DST: variants seen among roughly 807,000 people sequenced by gnomAD.
DST encodes the protein bullous pemphigoid antigen.
DST carries 253 observed loss-of-function variants against 875.2 expected under a neutral mutation model. The observed-to-expected ratio is 0.29, with a 90% confidence interval of 0.26 to 0.32. The LOEUF is 0.32. Ranked by LOEUF, DST falls within the 10% of genes least tolerant of loss-of-function variation. The pLI, the probability that DST is intolerant of heterozygous loss-of-function variation, is 1.00. For synonymous variants in DST, 3,124 were observed against 3,197.1 expected, an observed-to-expected ratio of 0.98 and a Z score of 0.77; for missense variants, 8,287 against 9,111.6, an observed-to-expected ratio of 0.91 and a Z score of 3.68.
intron 47 of DST, among the ~76,000 whole-genome samples, chr6:56,595,887 T>A (rs1451252856): frequency 6.6e-6 from 1 of 151,698 alleles, no homozygotes; most frequent in Non-Finnish European, 1.5e-5. Flanking sequence ...ATGAGGACTC[T>A]TAGGCTGAAG....
At chr6:56,838,542 AAAAC>A (rs1366597813) in intron 4 of DST, among the ~76,000 whole-genome samples, 7 of 152,224 alleles carry the variant, frequency 4.6e-5, no homozygotes, top group Non-Finnish European at 2.9e-5. Flanking sequence ...GTTCAAATAC[AAAAC>A]AAACAAACAA....
At position 56,535,299 on chromosome 6, in the gene DST, A is replaced by C. The variant is rs1399928980; in HGVS notation, c.16771-7T>G. 6.4e-7 allele frequency: 1 copy of C among 1,566,284 alleles called. No individual in the cohort carries two copies. Among genetic ancestry groups the C allele is most frequent in the East Asian group, 2.3e-5 (1 of 42,846 alleles). On this transcript the variant is annotated splice_polypyrimidine_tract_variant and splice_region_variant and intron_variant, in intron 62 of 103. Transcript: ENST00000680361. ...GGGCTGCTCGCTGAGCCACCTGCAA[A>C]GTGCCAATTGTTTCCACTTATTTAT...
At chr6:56,504,208 T>C in intron 77 of DST, 110 bp from the exon 78 acceptor site, 1 of 695,970 alleles carries the variant, frequency 1.4e-6, no homozygotes, top group Non-Finnish European at 2.3e-6. Flanking sequence ...TATTATAGAA[T>C]TAGACTATTT....
chr6:56,936,418 C>T (rs62411427), intron 2 of DST, among the ~76,000 whole-genome samples: 31,451 of 151,988 alleles, frequency 0.21, 3,612 homozygotes, highest in Middle Eastern at 0.26. Context: ...TTCTCCAGAC[C>T]GAATGCAATG....
In DST at chr6:56,494,118, C is replaced by A. The variant is rs1276123924; in HGVS notation, c.20286G>T (p.Gln6762His). ...ATTTTGGGCATCTTGCAAGCATCTG[C>A]TGGCCTTTCTGCATCAGACTCTTAT... Reference protein sequence around the residue: ...ETYKSLMQKGQQMLARCPKSA... With the variant: ...ETYKSLMQKGHQMLARCPKSA... The change falls in exon 83 of 104, where the codon CAG becomes CAT. Residue 6762 changes from glutamine to histidine, a missense_variant. Physicochemically the swap from Gln to His is conservative, Grantham distance 24. This residue lies in a region of DST where 1,292 missense variants were observed against 1,552.7 expected (regional missense o/e 0.83). Transcript: ENST00000680361. 6.2e-7 allele frequency: 1 copy of A among 1,612,068 alleles called. No individual in the cohort carries two copies. The highest frequency in any genetic ancestry group is 1.7e-5 in the Admixed American group (1 of 59,970).
At chr6:56,735,152 G>T in intron 5 of DST, 76 bp downstream of exon 5, 3 of 954,678 alleles carry the variant, frequency 3.1e-6, no homozygotes, top group Non-Finnish European at 3.3e-6. Context: ...GTGCTTCAGA[G>T]CTATATAATC....
At chr6:56,856,432 T>C (rs940653130) in intron 3 of DST, among the ~76,000 whole-genome samples, 1 of 152,160 alleles carries the variant, frequency 6.6e-6, no homozygotes, top group African/African-American at 2.4e-5. Context: ...CATACCCACA[T>C]ATTTATAACT....
At position 56,529,729 on chromosome 6, in the gene DST, C is replaced by G; in HGVS notation, c.17314G>C (p.Ala5772Pro). ...TTTAAGGACTGGCCAATGCTAACAG[C>G]CTGGTGTAAATGTTTATTGTGATTG... ...IINHNKHLHQAVSIGQSLKVL... is the reference protein window; with the variant it reads ...IINHNKHLHQPVSIGQSLKVL... The change falls in exon 66 of 104, where the codon GCT (alanine) becomes CCT (proline). Residue 5772 changes from alanine (A) to proline (P), a missense_variant. Physicochemically the swap from Ala to Pro is conservative, Grantham distance 27 (BLOSUM62 -1). Around this residue, in one of 10 missense-constraint regions of DST, gnomAD observed 777 missense variants for 764.8 expected, o/e 1.02. Coordinates refer to ENST00000680361, the MANE Select transcript of DST (RefSeq NM_001374736.1). 1.2e-6 allele frequency: 2 copies of G among 1,610,130 alleles called. No homozygotes were observed. The highest frequency in any genetic ancestry group is 1.7e-6 in the Non-Finnish European group (2 of 1,178,316).
At chr6:56,839,544 GT>G (rs1273009743) in intron 4 of DST, among the ~76,000 whole-genome samples, 23 of 152,114 alleles carry the variant, frequency 1.5e-4, no homozygotes, top group Non-Finnish European at 2.9e-4. Context: ...TTGAAATCAA[GT>G]TTTTTCAGAA....
At chr6:56,894,616 C>T (rs1387689887) in intron 3 of DST, among the ~76,000 whole-genome samples, 2 of 38,270 alleles carry the variant, frequency 5.2e-5, no homozygotes, top group Non-Finnish European at 9.2e-5. Flanking sequence ...CGGGCAGAGG[C>T]GCCCCTCACC....
Position 56,459,196 on chromosome 6 carries a change from G to T in DST, c.23266C>A (p.Arg7756=). 1 of 1,613,666 alleles carries T rather than the reference G, an allele frequency of 6.2e-7. No individual in the cohort carries two copies. The highest frequency in any genetic ancestry group is 8.5e-7 in the Non-Finnish European group (1 of 1,179,776). The stretch of plus-strand genomic sequence containing the variant: ...TCAAAGTCTGATGCATCACTGCCTC[G>T]GCGGCTGCTGGCCCTGCTGCCAGCT... ...SKAGSRASSR[R]GSDASDFDIS... The change falls in exon 104 of 104, where the codon CGA becomes AGA. Residue 7756 remains arginine (R), a synonymous_variant. Coordinates refer to ENST00000680361, the MANE Select transcript of DST (RefSeq NM_001374736.1).
chr6:56,901,786 C>T lies in DST; in HGVS notation c.217-1165G>A, dbSNP rs6938730. Among the ~76,000 whole-genome samples the T allele has an allele frequency of 4.3e-3, 653 of 152,118 alleles. 7 individuals carry two copies. Among genetic ancestry groups the T allele is most frequent in the African/African-American group, 0.015 (629 of 41,476 alleles). ...ATGAGTATAAGGACAACTCAGACAA[C>T]GGAAACATGTCAGCTAAGTCATATT... is the stretch of plus-strand genomic sequence containing the variant. On this transcript the variant is annotated intron_variant, in intron 2 of 103. Coordinates refer to ENST00000680361, the MANE Select transcript of DST (RefSeq NM_001374736.1).
intron 53 of DST, 63 bp from the exon 54 acceptor site, chr6:56,570,075 C>T: frequency 8.3e-7 from 1 of 1,198,708 alleles, no homozygotes; most frequent in South Asian, 1.5e-5. Context: ...AATTATTATT[C>T]TCATGTCACA....
chr6:56,806,588 GC>G (rs1200473530), intron 4 of DST, among the ~76,000 whole-genome samples: 1 of 152,168 alleles, frequency 6.6e-6, no homozygotes. Flanking sequence ...GTGTTCATCA[GC>G]CATGCTGACC....
chr6:56,870,777 C>A (rs1776722358), intron 3 of DST, among the ~76,000 whole-genome samples: 1 of 151,870 alleles, frequency 6.6e-6, no homozygotes, highest in South Asian at 2.1e-4. Context: ...TGAAACAAGG[C>A]CCCACTGGTG....
chr6:56,729,083 T>C (rs1017127129), intron 5 of DST, among the ~76,000 whole-genome samples: 11 of 151,856 alleles, frequency 7.2e-5, no homozygotes, highest in African/African-American at 2.4e-4. Context: ...GGGTAAACAG[T>C]CTATCAGTGT....
chr6:56,614,944 T>C (rs886061641), intron 36 of DST: 39 of 993,274 alleles, frequency 3.9e-5, no homozygotes, highest in Middle Eastern at 5.1e-4. Flanking sequence ...ATATTCATAA[T>C]GTTAGCTTTC....
chr6:56,913,898 T>C (rs975344736), intron 2 of DST, among the ~76,000 whole-genome samples: 3 of 152,236 alleles, frequency 2.0e-5, no homozygotes, highest in African/African-American at 7.2e-5. Flanking sequence ...ATTTTTTTTA[T>C]ATTTAGACTG....
intron 4 of DST, among the ~76,000 whole-genome samples, chr6:56,751,260 A>G (rs1004385132): frequency 6.6e-6 from 1 of 152,180 alleles, no homozygotes; most frequent in Non-Finnish European, 1.5e-5. Flanking sequence ...ATAGAGCCAC[A>G]AAAAAAGATT....
Sources: gnomAD v4.1 joint callset for allele counts (sites outside exome capture counted in the v4.1 genomes callset) on GRCh38, gnomAD v4.1.1 for gene constraint, gnomAD v4.1.1 regional missense constraint, MANE v1.5 for transcripts, NCBI Gene and HGNC (gene_info 2026-07-23, HGNC 2026-07-21) for gene names.